The following MYOM1 variants were observed in gnomAD, a reference collection of about 807,000 sequenced individuals.
MYOM1 encodes the protein myomesin 1, also known as myomesin-1.
Under a neutral mutation model 205.3 loss-of-function variants are expected in MYOM1, and 164 were observed. That is an observed-to-expected ratio of 0.80 (90% CI 0.70 to 0.91). The LOEUF is 0.91. Among genes scored for constraint, MYOM1 ranks in the 40% least tolerant of loss-of-function variants. The probability of loss-of-function intolerance (pLI) is 0.00; values close to 1 mark genes in which losing one functional copy is unlikely to be tolerated. For missense variants in MYOM1, 2,011 were observed against 2,127.3 expected (o/e 0.95, Z 1.08); for synonymous variants, 772 against 789.4 (o/e 0.98, Z 0.37).
At chr18:3,127,993 T>A (rs181763929) in intron 18 of MYOM1, among the ~76,000 whole-genome samples, 78 of 152,324 alleles carry the variant, frequency 5.1e-4, no homozygotes, top group Non-Finnish European at 8.1e-4. Flanking sequence ...CAGTTTTCAA[T>A]GAAGAGAGGG....
intron 10 of MYOM1, among the ~76,000 whole-genome samples, chr18:3,155,322 C>T (rs982374624): frequency 6.6e-6 from 1 of 152,132 alleles, no homozygotes; most frequent in Admixed American, 6.5e-5. Context: ...CCCGGGTTCA[C>T]GCCATTCTCC....
intron 19 of MYOM1, among the ~76,000 whole-genome samples, chr18:3,125,262 T>C (rs1462790193): frequency 6.6e-6 from 1 of 152,200 alleles, no homozygotes; most frequent in East Asian, 1.9e-4. Flanking sequence ...GGTGCACATA[T>C]GTAGCAGCAG....
intron 2 of MYOM1, among the ~76,000 whole-genome samples, chr18:3,197,065 G>A (rs376211359): frequency 3.3e-5 from 5 of 152,010 alleles, no homozygotes; most frequent in African/African-American, 1.2e-4. Context: ...GTGGTGAACT[G>A]GGACTAGCAT....
At chr18:3,184,859 G>A (rs1313151445) in intron 5 of MYOM1, among the ~76,000 whole-genome samples, 1 of 152,210 alleles carries the variant, frequency 6.6e-6, no homozygotes, top group Non-Finnish European at 1.5e-5. Flanking sequence ...TACTTCTGGA[G>A]AGGAAGCTTG....
rs569447803 is a variant in MYOM1 at position 3,121,890 on chromosome 18, G to A, written c.2992-1895C>T. Among the ~76,000 whole-genome samples the A allele has an allele frequency of 8.5e-5, 13 of 152,250 alleles. No individual in the cohort carries two copies. The East Asian group carries it at 1.2e-3, about 14-fold the overall frequency. ...TCCCAGCACTTTGGGAGGCCGAGGC[G>A]GGCGGATCACTTGAGGTCAGGAGTT... On this transcript the variant is annotated intron_variant, in intron 19 of 37. Transcript: ENST00000356443.
chr18:3,159,888 T>TCCTC (rs2080356771), intron 10 of MYOM1, among the ~76,000 whole-genome samples: 1 of 53,576 alleles, frequency 1.9e-5, no homozygotes, highest in Non-Finnish European at 4.8e-5. Flanking sequence ...CTTCCTTCCT[T>TCCTC]CCTTCCTTCC....
chr18:3,103,138 T>TCCGCATGCAATCAGTCATC (rs1239553916), intron 22 of MYOM1, among the ~76,000 whole-genome samples: 3 of 151,946 alleles, frequency 2.0e-5, no homozygotes, highest in Admixed American at 6.5e-5. Context: ...TGGGAGAAAG[T>TCCGCATGCAATCAGTCATC]AGAGAGACTA....
chr18:3,234,419 C>T, the MYOM1 span, among the ~76,000 whole-genome samples: 1 of 152,218 alleles, frequency 6.6e-6, no homozygotes, highest in East Asian at 1.9e-4. Context: ...AAGCTGGAAA[C>T]GTTCATTGTC....
intron 25 of MYOM1, 44 bp from the exon 26 acceptor site, chr18:3,094,350 AT>A: frequency 2.1e-6 from 3 of 1,420,686 alleles, no homozygotes; most frequent in Non-Finnish European, 2.9e-6. Context: ...TTGGTAACCA[AT>A]TATATTGGTA....
At chr18:3,223,940 T>C (rs1359390562), upstream of MYOM1, among the ~76,000 whole-genome samples, 3 of 151,340 alleles carry the variant, frequency 2.0e-5, no homozygotes, top group Non-Finnish European at 4.4e-5. Flanking sequence ...GGCTGGAGAG[T>C]GGGGCCTAGG....
At chr18:3,229,298 G>A in the MYOM1 span, among the ~76,000 whole-genome samples, 1 of 151,658 alleles carries the variant, frequency 6.6e-6, no homozygotes, top group Non-Finnish European at 1.5e-5. Context: ...CCATATTCTA[G>A]GACAATTAAC....
chr18:3,197,602 G>A (rs367912899), intron 2 of MYOM1, among the ~76,000 whole-genome samples: 33 of 152,176 alleles, frequency 2.2e-4, no homozygotes, highest in South Asian at 4.2e-4. Flanking sequence ...GGCTGGGCGC[G>A]GTGGCTCACG....
Position 3,135,897 on chromosome 18 carries a change from A to G in MYOM1, c.2026-167T>C, listed in dbSNP as rs2079952257. On this transcript the variant is annotated intron_variant, in intron 14 of 37. Coordinates refer to ENST00000356443, the MANE Select transcript of MYOM1 (RefSeq NM_003803.4). This position sits in a 1 kb window ranked among gnomAD's most constrained non-coding sequence, Gnocchi z 4.1. The stretch of plus-strand genomic sequence containing the variant: ...AGGGGATGAGGCATCTGAAGTTCGT[A>G]GGATTCTCTAAATCAAACTTGGCTT... Among the ~76,000 whole-genome samples, 1 of 152,200 alleles carries G rather than the reference A, an allele frequency of 6.6e-6. No homozygotes were observed. The highest frequency in any genetic ancestry group is 1.5e-5 in the Non-Finnish European group (1 of 68,040).
At chr18:3,244,379 G>A in the MYOM1 span, among the ~76,000 whole-genome samples, 1 of 152,088 alleles carries the variant, frequency 6.6e-6, no homozygotes, top group African/African-American at 2.4e-5. Flanking sequence ...TTCATATGTT[G>A]AAGGCCTAAC....
chr18:3,199,180 G>T lies in MYOM1; in HGVS notation c.291-5222C>A, dbSNP rs755961723. Among the ~76,000 whole-genome samples the T allele has an allele frequency of 5.3e-5, 8 of 152,304 alleles. No individual in the cohort carries two copies. In the South Asian group the frequency reaches 1.4e-3, roughly 28 times the overall value. On this transcript the variant is annotated intron_variant, in intron 2 of 37. Coordinates refer to ENST00000356443, the MANE Select transcript of MYOM1 (RefSeq NM_003803.4). ...ATGAGAAAAGGCATGAAAAGGAGCA[G>T]CCAGGGAAGACTGACTTGATTTGGG...
intron 34 of MYOM1, among the ~76,000 whole-genome samples, chr18:3,076,417 T>C (rs919015289): frequency 6.6e-6 from 1 of 152,170 alleles, no homozygotes; most frequent in Non-Finnish European, 1.5e-5. Flanking sequence ...ACATCCTGAG[T>C]GTCAAACAAA....
chr18:3,174,678 T>C (rs574992077), intron 6 of MYOM1, among the ~76,000 whole-genome samples: 21 of 152,158 alleles, frequency 1.4e-4, no homozygotes, highest in Non-Finnish European at 2.4e-4. Flanking sequence ...GGTTTCAGTC[T>C]GGGGGCAACC....
intron 37 of MYOM1, among the ~76,000 whole-genome samples, chr18:3,070,291 G>C (rs1315006694): frequency 6.6e-6 from 1 of 152,090 alleles, no homozygotes; most frequent in Admixed American, 6.6e-5. Context: ...TAAGACTACA[G>C]GTGTGCACCA....
chr18:3,186,013 C>A (rs553422744), intron 5 of MYOM1, among the ~76,000 whole-genome samples: 1 of 152,006 alleles, frequency 6.6e-6, no homozygotes, highest in Admixed American at 6.6e-5. Context: ...CTGGCCAACA[C>A]GGCAAAACCC....
Sources: allele counts gnomAD v4.1 joint callset (sites outside exome capture counted in the v4.1 genomes callset), GRCh38; gene constraint gnomAD v4.1.1; non-coding constraint Gnocchi (gnomAD v3.1); transcripts MANE v1.5; gene names NCBI Gene and HGNC (gene_info 2026-07-23, HGNC 2026-07-21).